EXD3: variants seen among roughly 807,000 people sequenced by gnomAD.
The protein encoded by EXD3 is exonuclease mut-7 homolog.
Under a neutral mutation model 98.0 loss-of-function variants are expected in EXD3, and 92 were observed. That is an observed-to-expected ratio of 0.94 (90% CI 0.79 to 1.12). The LOEUF (loss-of-function observed/expected upper bound fraction) is 1.12, where lower values mean the gene tolerates loss of function less well. Among genes scored for constraint, EXD3 ranks in the 50% most tolerant of loss-of-function variants. EXD3 has a pLI of 0.00. For missense variants in EXD3, 1,222 were observed against 1,191.6 expected, an observed-to-expected ratio of 1.03 and a Z score of -0.38; for synonymous variants, 569 against 526.0, an observed-to-expected ratio of 1.08 and a Z score of -1.12.
chr9:137,309,086 C>T lies in EXD3; in HGVS notation c.2278+521G>A, dbSNP rs531250213. On this transcript the variant is annotated intron_variant, in intron 20 of 21. Transcript: ENST00000340951. ...TAGGGGCCAGCAGTTCTAATGGCGG[C>T]GGGGCGGGGGCCATACTTCCAGCCC... 2.0e-3 allele frequency among the ~76,000 whole-genome samples: 310 copies of T among 152,186 alleles called. 4 individuals are homozygous for T. Among genetic ancestry groups the T allele is most frequent in the Middle Eastern group, 0.01 (3 of 294 alleles).
chr9:137,422,533 A>C (rs1838581727), intron 1 of EXD3, among the ~76,000 whole-genome samples: 1 of 152,230 alleles, frequency 6.6e-6, no homozygotes, highest in Non-Finnish European at 1.5e-5. Context: ...GTTTTCTTTA[A>C]AAACCTGAGC....
chr9:137,375,610 T>G (rs1835858976), intron 3 of EXD3, among the ~76,000 whole-genome samples: 1 of 150,670 alleles, frequency 6.6e-6, no homozygotes. Context: ...GTGAGTTATA[T>G]CTAGTGAGTC....
intron 19 of EXD3, among the ~76,000 whole-genome samples, chr9:137,315,612 A>T (rs985782186): frequency 6.6e-6 from 1 of 151,742 alleles, no homozygotes; most frequent in African/African-American, 2.4e-5. Context: ...GTCAGCCCCC[A>T]CCCCGGGGGA....
At chr9:137,400,312 C>T (rs555016522) in intron 1 of EXD3, among the ~76,000 whole-genome samples, 4 of 152,338 alleles carry the variant, frequency 2.6e-5, no homozygotes, top group African/African-American at 9.6e-5. Context: ...GCCTTCCCAA[C>T]AGTCCCTCAA....
At chr9:137,321,615 G>A (rs549000358) in intron 19 of EXD3, among the ~76,000 whole-genome samples, 4 of 152,224 alleles carry the variant, frequency 2.6e-5, no homozygotes, top group Middle Eastern at 3.4e-3. Flanking sequence ...CCTGGGAGGC[G>A]GAGGCTGCAG....
intron 20 of EXD3, among the ~76,000 whole-genome samples, chr9:137,308,133 T>C (rs948410850): frequency 2.0e-5 from 3 of 152,128 alleles, no homozygotes; most frequent in Non-Finnish European, 4.4e-5. Context: ...GAGCCCCCAT[T>C]GAGAGCCCAG....
At chr9:137,337,456 G>T (rs905277765) in intron 17 of EXD3, among the ~76,000 whole-genome samples, 1 of 152,050 alleles carries the variant, frequency 6.6e-6, no homozygotes, top group East Asian at 1.9e-4. Context: ...TTCCAGACCA[G>T]CCTGGCCAAT....
rs1834520123 is a variant in EXD3, at chr9:137,354,718, G to A, written c.813C>T (p.Cys271=). 1 of 1,610,936 alleles carries A rather than the reference G, an allele frequency of 6.2e-7. No individual in the cohort carries two copies. The highest frequency in any genetic ancestry group is 1.3e-5 in the African/African-American group (1 of 75,070). ...CACGAACCTCCACAAACCGCTTGTG[G>A]CACAGGTGCCGCAGGGCCGCCAGGC... is the stretch of plus-strand genomic sequence containing the variant. ...QQRLAALRHL[C]HKRFVEKSLS... The change falls in exon 9 of 22, where the codon TGC becomes TGT. Residue 271 remains cysteine, a synonymous_variant. Transcript: ENST00000340951.
chr9:137,337,863 C>T (rs1221826054), intron 17 of EXD3, among the ~76,000 whole-genome samples: 3 of 151,802 alleles, frequency 2.0e-5, no homozygotes, highest in Non-Finnish European at 4.4e-5. Context: ...TCTTGGCTCA[C>T]TGCAAGCTCC....
intron 6 of EXD3, 54 bp downstream of exon 6, chr9:137,367,882 C>T (rs1835351406): frequency 5.2e-6 from 8 of 1,548,288 alleles, no homozygotes; most frequent in Non-Finnish European, 7.1e-6. Context: ...TTTATAGAGA[C>T]CTGGGCGTTA....
intron 1 of EXD3, among the ~76,000 whole-genome samples, chr9:137,398,792 G>A (rs542445120): frequency 5.0e-4 from 65 of 129,190 alleles, no homozygotes; most frequent in African/African-American, 1.8e-3. Flanking sequence ...ACAGGCACCC[G>A]CGTCCCCGTG....
At chr9:137,415,855 G>T (rs1353099696) in intron 1 of EXD3, among the ~76,000 whole-genome samples, 3 of 152,240 alleles carry the variant, frequency 2.0e-5, no homozygotes, top group Non-Finnish European at 2.9e-5. Flanking sequence ...AGGGTTCACA[G>T]AGCAGCATAA....
intron 4 of EXD3, 28 bp downstream of exon 4, chr9:137,373,398 G>T (rs371060712): frequency 5.0e-4 from 793 of 1,599,180 alleles, no homozygotes; most frequent in Non-Finnish European, 6.1e-4. Flanking sequence ...AGGAAGGGAG[G>T]TGACTGTCAC....
rs546893177 is a variant in EXD3 at position 137,408,271 on chromosome 9, G to A, written c.-47-12867C>T. ...AAGAGGGCTTTGGGGTGGGGGGGCCGGGCATGGTCGCTCACGCCTGTAATC... is the reference window on the plus strand; with the variant it reads ...AAGAGGGCTTTGGGGTGGGGGGGCCAGGCATGGTCGCTCACGCCTGTAATC... On this transcript the variant is annotated intron_variant, in intron 1 of 21. Transcript: ENST00000340951. Among the ~76,000 whole-genome samples, 4 of 152,176 alleles carry A rather than the reference G, an allele frequency of 2.6e-5. No homozygotes were observed. The South Asian group carries it at 6.2e-4, about 24-fold the overall frequency.
At chr9:137,413,815 C>T (rs1331533936) in intron 1 of EXD3, among the ~76,000 whole-genome samples, 2 of 152,080 alleles carry the variant, frequency 1.3e-5, no homozygotes, top group African/African-American at 4.8e-5. Context: ...ACAATTACTC[C>T]CTCTGCCCCT....
chr9:137,346,122 C>T (rs1330044966), intron 17 of EXD3: 2 of 151,050 alleles, frequency 1.3e-5, no homozygotes, highest in African/African-American at 4.9e-5. Flanking sequence ...GCCTGTAGTT[C>T]CAGCTACTCG....
chr9:137,311,617 G>A (rs1025920356), intron 19 of EXD3, among the ~76,000 whole-genome samples: 16 of 152,198 alleles, frequency 1.1e-4, no homozygotes, highest in African/African-American at 2.9e-4. Flanking sequence ...GGGAACCACC[G>A]GTGCTGGTTT....
At chr9:137,337,268 C>T (rs1290545642) in intron 17 of EXD3, among the ~76,000 whole-genome samples, 8 of 152,140 alleles carry the variant, frequency 5.3e-5, no homozygotes, top group Non-Finnish European at 1.0e-4. Context: ...CAAACACTGA[C>T]GTAACTGCAT....
chr9:137,402,741 G>A (rs988882391), intron 1 of EXD3, among the ~76,000 whole-genome samples: 4 of 151,998 alleles, frequency 2.6e-5, no homozygotes, highest in Admixed American at 6.6e-5. Flanking sequence ...AATTTACTGC[G>A]TTAGCCCGTT....
Sources: gnomAD v4.1 joint callset for allele counts (sites outside exome capture counted in the v4.1 genomes callset) on GRCh38, gnomAD v4.1.1 for gene constraint, MANE v1.5 for transcripts, NCBI Gene and HGNC (gene_info 2026-07-23, HGNC 2026-07-21) for gene names.